Variants in GARIN1B observed in about 807,000 individuals in gnomAD.
GARIN1B encodes Golgi-associated RAB2 interactor protein 1B.
the GARIN1B span, chr7:128,726,717 C>A: frequency 9.4e-7 from 1 of 1,063,868 alleles, no homozygotes; most frequent in Non-Finnish European, 1.4e-6. Flanking sequence ...ATATTTATAT[C>A]TGTCTCTAAA....
the GARIN1B span, chr7:128,730,059 C>A: frequency 1.2e-6 from 2 of 1,613,778 alleles, no homozygotes; most frequent in Admixed American, 3.3e-5. Flanking sequence ...CACAGCTGGC[C>A]CCACCCATAG....
At chr7:128,718,168 C>T in the GARIN1B span, among the ~76,000 whole-genome samples, 1 of 152,162 alleles carries the variant, frequency 6.6e-6, no homozygotes. Flanking sequence ...CGCGGTGGCT[C>T]GTGCCTGTAA....
chr7:128,720,172 A>G, the GARIN1B span, among the ~76,000 whole-genome samples: 1 of 149,524 alleles, frequency 6.7e-6, no homozygotes, highest in Non-Finnish European at 1.5e-5. Flanking sequence ...TTTAATTTTG[A>G]TTAAGTGCAA....
At chr7:128,729,569 C>T in the GARIN1B span, among the ~76,000 whole-genome samples, 1 of 152,188 alleles carries the variant, frequency 6.6e-6, no homozygotes, top group Non-Finnish European at 1.5e-5. Flanking sequence ...AGATGAGTCT[C>T]CTGGGGAAAT....
chr7:128,718,934 C>T, the GARIN1B span: 3 of 1,614,196 alleles, frequency 1.9e-6, no homozygotes, highest in Non-Finnish European at 1.7e-6. Flanking sequence ...AAAGCTCCAT[C>T]CTGACCATCC....
At chr7:128,731,354 A>C in the GARIN1B span, 1 of 583,606 alleles carries the variant, frequency 1.7e-6, no homozygotes, top group Non-Finnish European at 3.1e-6. Context: ...ATGTGCTCTC[A>C]GAATGGCCGG....
chr7:128,715,668 T>C, the GARIN1B span: 1 of 1,614,004 alleles, frequency 6.2e-7, no homozygotes, highest in African/African-American at 1.3e-5. Context: ...GACTCCGTGG[T>C]GTTTGAAAGC....
chr7:128,715,269 G>T, the GARIN1B span: 2 of 1,434,752 alleles, frequency 1.4e-6, no homozygotes, highest in East Asian at 5.0e-5. Flanking sequence ...GAGGAAAAGG[G>T]AGGCTCCTTT....
the GARIN1B span, chr7:128,731,117 A>G: frequency 6.2e-7 from 1 of 1,610,640 alleles, no homozygotes; most frequent in Non-Finnish European, 8.5e-7. Flanking sequence ...TATTTGAGCC[A>G]CCCTTCCGCA....
At chr7:128,712,274 A>G in the GARIN1B span, among the ~76,000 whole-genome samples, 1 of 152,156 alleles carries the variant, frequency 6.6e-6, no homozygotes, top group Non-Finnish European at 1.5e-5. Flanking sequence ...AGGGGTTTTA[A>G]TTTTATTTGT....
chr7:128,724,920 T>A, the GARIN1B span: 1 of 1,259,100 alleles, frequency 7.9e-7, no homozygotes, highest in South Asian at 1.3e-5. Flanking sequence ...TTGCTCTGAC[T>A]GCACCCTTGA....
chr7:128,723,218 G>A, the GARIN1B span: 1 of 1,612,016 alleles, frequency 6.2e-7, no homozygotes. Flanking sequence ...GAAACTCCAA[G>A]CCTCCCAGCC....
the GARIN1B span, chr7:128,718,710 G>A: frequency 3.1e-6 from 4 of 1,281,820 alleles, no homozygotes; most frequent in South Asian, 5.7e-5. Context: ...CTGTGCTAAA[G>A]CACCCTCTTT....
the GARIN1B span, chr7:128,714,088 G>T: frequency 6.5e-7 from 1 of 1,535,930 alleles, no homozygotes; most frequent in Non-Finnish European, 8.7e-7. Context: ...CTGGAGCAGG[G>T]GTGTGATCTG....
At chr7:128,717,508 G>A in the GARIN1B span, among the ~76,000 whole-genome samples, 17 of 149,714 alleles carry the variant, frequency 1.1e-4, no homozygotes, top group African/African-American at 4.2e-4. Flanking sequence ...GTACAATGGT[G>A]GGATCTTGGC....
the GARIN1B span, chr7:128,716,850 C>T: frequency 2.5e-6 from 4 of 1,613,426 alleles, no homozygotes; most frequent in Admixed American, 6.7e-5. Flanking sequence ...GTCTACAAAG[C>T]TTCCAACACC....
chr7:128,711,658 GACACACACACACACAC>G, the GARIN1B span, among the ~76,000 whole-genome samples: 5 of 144,976 alleles, frequency 3.4e-5, no homozygotes, highest in African/African-American at 5.1e-5. Flanking sequence ...TGGTTTTACA[GACACACACACACACAC>G]ACACACACAC....
chr7:128,725,364 T>TCCTA, the GARIN1B span, among the ~76,000 whole-genome samples: 1 of 150,958 alleles, frequency 6.6e-6, no homozygotes, highest in Non-Finnish European at 1.5e-5. Flanking sequence ...CTTCCTTCCT[T>TCCTA]CCTTCCTTCC....
the GARIN1B span, chr7:128,714,067 T>C: frequency 3.3e-6 from 5 of 1,535,734 alleles, no homozygotes; most frequent in East Asian, 7.3e-5. Context: ...AGCCAGGAGC[T>C]ATAACAGGTG....
Sources: gnomAD v4.1 joint callset for allele counts (sites outside exome capture counted in the v4.1 genomes callset) on GRCh38, gnomAD v4.1.1 for gene constraint, MANE v1.5 for transcripts, NCBI Gene and HGNC (gene_info 2026-07-23, HGNC 2026-07-21) for gene names.